DOK6: variants seen among roughly 807,000 people sequenced by gnomAD.
The protein encoded by DOK6 is downstream of tyrosine kinase 6.
Under a neutral mutation model 44.0 loss-of-function variants are expected in DOK6, and 22 were observed. The observed-to-expected ratio is 0.50, with a 90% CI of 0.36 to 0.71. DOK6 has a LOEUF of 0.71. Ranked by LOEUF, DOK6 falls within the 30% of genes least tolerant of loss-of-function variation. DOK6 has a pLI of 0.00. For missense variants in DOK6, 340 were observed against 416.4 expected, an observed-to-expected ratio of 0.82 and a Z score of 1.60; for synonymous variants, 166 against 145.5, an observed-to-expected ratio of 1.14 and a Z score of -1.01.
At chr18:69,496,718 G>A (rs565128123) in intron 1 of DOK6, among the ~76,000 whole-genome samples, 2 of 151,792 alleles carry the variant, frequency 1.3e-5, no homozygotes, top group Non-Finnish European at 2.9e-5. Flanking sequence ...TTTTCTCATG[G>A]TATTCTCTGA....
At chr18:69,562,320 G>C (rs1391876844) in intron 1 of DOK6, among the ~76,000 whole-genome samples, 1 of 152,020 alleles carries the variant, frequency 6.6e-6, no homozygotes, top group African/African-American at 2.4e-5. Flanking sequence ...GACGTGTCAG[G>C]TTTGTCAAAG....
Position 69,732,391 on chromosome 18 carries a change from G to A in DOK6, c.600-6574G>A, listed in dbSNP as rs534871456. ...TATAATAAGGATAATGGTAATTTGT[G>A]ATCATATATTGAGGTAATGCAAGTC... On this transcript the variant is annotated intron_variant, in intron 5 of 7. Transcript: ENST00000382713. Among the ~76,000 whole-genome samples, 8 of 152,164 alleles carry A rather than the reference G, an allele frequency of 5.3e-5. No homozygotes were observed. The South Asian group carries it at 1.7e-3, about 32-fold the overall frequency.
At position 69,838,470 on chromosome 18, in the gene DOK6, C is replaced by T. The variant is rs117139286; in HGVS notation, c.857-2774C>T. Among the ~76,000 whole-genome samples, 526 of 152,218 alleles carry T rather than the reference C, an allele frequency of 3.5e-3. 2 individuals carry two copies. The highest frequency in any genetic ancestry group is 5.9e-3 in the Non-Finnish European group (402 of 67,998). The stretch of plus-strand genomic sequence containing the variant: ...TTTCATCATGCCAAAATGCCACCTC[C>T]TTAGGGAGGCCTTTGCTGACCTCCC... On this transcript the variant is annotated intron_variant, in intron 7 of 7. Coordinates refer to ENST00000382713, the MANE Select transcript of DOK6 (RefSeq NM_152721.6).
rs559867221 is a variant in DOK6, at chr18:69,525,569, G to C, written c.67-38918G>C. ...ATCTCCTTTCATCTTTAGTACACTT[G>C]CCTTGGTTGAGATATGTACTACTAC... On this transcript the variant is annotated intron_variant, in intron 1 of 7. Coordinates refer to ENST00000382713, the MANE Select transcript of DOK6 (RefSeq NM_152721.6). Among the ~76,000 whole-genome samples, 7 of 152,050 alleles carry C rather than the reference G, an allele frequency of 4.6e-5. No individual in the cohort carries two copies. The East Asian group carries it at 1.4e-3, about 29-fold the overall frequency.
chr18:69,427,840 T>G (rs1978685996), intron 1 of DOK6, among the ~76,000 whole-genome samples: 4 of 151,746 alleles, frequency 2.6e-5, no homozygotes, highest in Non-Finnish European at 1.5e-5. Flanking sequence ...TACAATGGCG[T>G]GATCTCGGCT....
At chr18:69,713,499 C>T (rs540343436) in intron 5 of DOK6, among the ~76,000 whole-genome samples, 1 of 152,254 alleles carries the variant, frequency 6.6e-6, no homozygotes, top group South Asian at 2.1e-4. Context: ...TACTTATGTA[C>T]AGGCAGAATT....
intron 7 of DOK6, among the ~76,000 whole-genome samples, chr18:69,824,711 A>C (rs372665440): frequency 2.0e-5 from 3 of 152,146 alleles, no homozygotes; most frequent in African/African-American, 7.2e-5. Context: ...AAACCCATTC[A>C]CTGTCATGAC....
chr18:69,656,470 T>C (rs896681556), intron 3 of DOK6, among the ~76,000 whole-genome samples: 6 of 152,220 alleles, frequency 3.9e-5, no homozygotes, highest in African/African-American at 1.4e-4. Context: ...ACTCCACCTC[T>C]CTGTGCCTCC....
chr18:69,689,356 T>TA (rs955913542), intron 4 of DOK6, among the ~76,000 whole-genome samples: 2 of 152,246 alleles, frequency 1.3e-5, no homozygotes, highest in African/African-American at 4.8e-5. Context: ...AAGGACTTAT[T>TA]ACAAAAGTTA....
intron 6 of DOK6, among the ~76,000 whole-genome samples, chr18:69,755,558 T>G (rs1279494875): frequency 2.0e-5 from 3 of 152,252 alleles, no homozygotes; most frequent in African/African-American, 4.8e-5. Context: ...ATGCCTCATA[T>G]GGGAAATTGG....
intron 3 of DOK6, among the ~76,000 whole-genome samples, chr18:69,606,133 G>A (rs149643283): frequency 0.015 from 2,303 of 151,902 alleles, 18 homozygotes; most frequent in Non-Finnish European, 0.024. Flanking sequence ...TTAGCCGGGC[G>A]TGGTGGTGCA....
chr18:69,785,900 G>C (rs1407022217), intron 7 of DOK6, among the ~76,000 whole-genome samples: 3 of 152,112 alleles, frequency 2.0e-5, no homozygotes, highest in East Asian at 3.8e-4. Context: ...CTCTTTGTTA[G>C]AAAGGTAATG....
rs564358869 is a variant in DOK6 at position 69,548,437 on chromosome 18, G to A, written c.67-16050G>A. Among the ~76,000 whole-genome samples, 4 of 151,676 alleles carry A rather than the reference G, an allele frequency of 2.6e-5. No homozygotes were observed. The East Asian group carries it at 7.7e-4, about 29-fold the overall frequency. On this transcript the variant is annotated intron_variant, in intron 1 of 7. Coordinates refer to ENST00000382713, the MANE Select transcript of DOK6 (RefSeq NM_152721.6). Reference sequence around the variant, plus strand: ...AAACATTTTGGGCTTTACATTATCAGAGAGCCACTGCATTTATTTCAGAGA... The same window carrying A: ...AAACATTTTGGGCTTTACATTATCAAAGAGCCACTGCATTTATTTCAGAGA...
intron 1 of DOK6, among the ~76,000 whole-genome samples, chr18:69,472,278 G>A (rs1247749576): frequency 2.0e-5 from 3 of 152,120 alleles, no homozygotes; most frequent in South Asian, 2.1e-4. Context: ...GTGAGCGCCC[G>A]GGCAAGGTAA....
intron 1 of DOK6, among the ~76,000 whole-genome samples, chr18:69,419,743 A>G (rs905893174): frequency 1.3e-5 from 2 of 152,198 alleles, no homozygotes; most frequent in African/African-American, 4.8e-5. Flanking sequence ...AGCATTTACT[A>G]TACACAGGAG....
chr18:69,669,989 T>G (rs1985756589), intron 3 of DOK6, among the ~76,000 whole-genome samples: 2 of 152,160 alleles, frequency 1.3e-5, no homozygotes, highest in African/African-American at 4.8e-5. Flanking sequence ...CACCACAAAT[T>G]TATTATCTTA....
intron 1 of DOK6, among the ~76,000 whole-genome samples, chr18:69,492,546 A>G (rs1980764984): frequency 6.6e-6 from 1 of 152,084 alleles, no homozygotes; most frequent in Non-Finnish European, 1.5e-5. Flanking sequence ...TAAGCATAGT[A>G]CCCGATAGGT....
At chr18:69,509,150 G>A (rs1217579810) in intron 1 of DOK6, among the ~76,000 whole-genome samples, 2 of 152,106 alleles carry the variant, frequency 1.3e-5, no homozygotes, top group Non-Finnish European at 2.9e-5. Context: ...TGAGTCCCAA[G>A]TATTCTTTCC....
In DOK6 at chr18:69,401,145, C is replaced by A; in HGVS notation, c.-100C>A. On this transcript the variant is annotated 5_prime_UTR_variant, in exon 1 of 8. Coordinates refer to ENST00000382713, the MANE Select transcript of DOK6 (RefSeq NM_152721.6). ...CGGGCGGCGGCGCTGCTGCTGGCGG[C>A]GGCCGGCTGGATGCGAGACCCGCGC... 8.1e-7 allele frequency: 1 copy of A among 1,235,856 alleles called. No homozygotes were observed. Among genetic ancestry groups the A allele is most frequent in the Non-Finnish European group, 1.0e-6 (1 of 953,596 alleles). The allele number at this position is 1,235,856 out of a possible 1,614,324, so 76.6% of individuals were successfully genotyped here.
Sources: allele counts gnomAD v4.1 joint callset (sites outside exome capture counted in the v4.1 genomes callset), GRCh38; gene constraint gnomAD v4.1.1; transcripts MANE v1.5; gene names NCBI Gene and HGNC (gene_info 2026-07-23, HGNC 2026-07-21).